Variants in PAPPA observed in about 807,000 individuals in gnomAD.
PAPPA encodes pappalysin 1.
PAPPA carries 60 observed loss-of-function variants against 164.0 expected under a neutral mutation model. The observed-to-expected ratio is 0.37, with a 90% CI of 0.30 to 0.45. The LOEUF is 0.45. Among genes scored for constraint, PAPPA ranks in the 20% least tolerant of loss-of-function variants. The probability of loss-of-function intolerance (pLI) is 1.00; values close to 1 mark genes in which losing one functional copy is unlikely to be tolerated. For synonymous variants in PAPPA, 875 were observed against 814.1 expected, an observed-to-expected ratio of 1.07 and a Z score of -1.27; for missense variants, 1,782 against 2,087.3, an observed-to-expected ratio of 0.85 and a Z score of 2.85.
In PAPPA at chr9:116,235,273, C is replaced by T. The variant is rs556339934; in HGVS notation, c.2368C>T (p.Pro790Ser). 1.3e-5 allele frequency: 21 copies of T among 1,614,114 alleles called. No homozygotes were observed. In the South Asian group the frequency reaches 1.8e-4, roughly 14 times the overall value. The change falls in exon 7 of 22, where the codon CCC becomes TCC. Residue 790 changes from proline (P) to serine (S), a missense_variant. Physicochemically the swap from Pro to Ser is moderately conservative, Grantham distance 74. This residue lies in a region of PAPPA where 1,324 missense variants were observed against 1,656.9 expected (regional missense o/e 0.80). Coordinates refer to ENST00000328252, the MANE Select transcript of PAPPA (RefSeq NM_002581.5). ...GCYLELEFLY[P>S]LVPESLTIWV... Reference sequence around the variant, plus strand: ...CTACCTCGAGCTGGAGTTCCTCTACCCCTTGGTCCCTGAGTCTCTGACCAT... The same window carrying T: ...CTACCTCGAGCTGGAGTTCCTCTACTCCTTGGTCCCTGAGTCTCTGACCAT...
intron 19 of PAPPA, among the ~76,000 whole-genome samples, chr9:116,370,655 G>A (rs1303007089): frequency 1.3e-5 from 2 of 152,302 alleles, no homozygotes; most frequent in East Asian, 1.9e-4. Flanking sequence ...TGGCTCTTGC[G>A]AGCCTATGCA....
chr9:116,378,519 G>A (rs902267175), intron 20 of PAPPA, among the ~76,000 whole-genome samples: 5 of 152,144 alleles, frequency 3.3e-5, no homozygotes, highest in African/African-American at 9.7e-5. Flanking sequence ...AGAAAAAGTC[G>A]TATCTGATGA....
intron 18 of PAPPA, among the ~76,000 whole-genome samples, chr9:116,364,371 A>G (rs549127553): frequency 6.6e-6 from 1 of 152,354 alleles, no homozygotes; most frequent in Admixed American, 6.5e-5. Flanking sequence ...ACACATTCAA[A>G]TACATTCACA....
At chr9:116,289,539 C>A (rs1397204387) in intron 9 of PAPPA, among the ~76,000 whole-genome samples, 1 of 151,636 alleles carries the variant, frequency 6.6e-6, no homozygotes, top group African/African-American at 2.4e-5. Flanking sequence ...GTATAATAAG[C>A]CTTAATCAGC....
chr9:116,229,177 A>G (rs1369753924), intron 6 of PAPPA, among the ~76,000 whole-genome samples: 1 of 152,180 alleles, frequency 6.6e-6, no homozygotes, highest in Non-Finnish European at 1.5e-5. Context: ...TCACAACACT[A>G]TTAACGAGGT....
chr9:116,224,804 T>G (rs1844485000), intron 5 of PAPPA, among the ~76,000 whole-genome samples: 2 of 152,222 alleles, frequency 1.3e-5, no homozygotes, highest in East Asian at 3.8e-4. Context: ...CTTAGAGCTT[T>G]AAGCTTTAAT....
intron 1 of PAPPA, among the ~76,000 whole-genome samples, chr9:116,167,416 A>G (rs1442306861): frequency 3.3e-5 from 5 of 152,206 alleles, no homozygotes; most frequent in Non-Finnish European, 7.3e-5. Flanking sequence ...AATATTTTCA[A>G]TCTGAATTTG....
chr9:116,199,103 G>T (rs1431937514), intron 2 of PAPPA, among the ~76,000 whole-genome samples: 1 of 152,078 alleles, frequency 6.6e-6, no homozygotes, highest in Non-Finnish European at 1.5e-5. Context: ...TAAGAACCTT[G>T]CCACTGGCAC....
chr9:116,337,440 A>G (rs1159422143), intron 13 of PAPPA, among the ~76,000 whole-genome samples: 2 of 152,260 alleles, frequency 1.3e-5, no homozygotes, highest in African/African-American at 4.8e-5. Context: ...AAGAAAAATA[A>G]GCAACAACTG....
At chr9:116,336,239 G>GA (rs147269950) in intron 13 of PAPPA, among the ~76,000 whole-genome samples, 9,446 of 147,648 alleles carry the variant, frequency 0.064, 415 homozygotes, top group South Asian at 0.084. Flanking sequence ...CTGGGGGCAA[G>GA]AAAAAAAAAA....
intron 18 of PAPPA, 35 bp from the exon 19 acceptor site, chr9:116,367,610 G>A: frequency 6.6e-7 from 1 of 1,512,754 alleles, no homozygotes; most frequent in South Asian, 1.1e-5. Context: ...GAGGGTCTCG[G>A]GCCTGAGCTG....
At chr9:116,394,881 C>G (rs1846942061) in intron 21 of PAPPA, among the ~76,000 whole-genome samples, 1 of 152,072 alleles carries the variant, frequency 6.6e-6, no homozygotes, top group African/African-American at 2.4e-5. Context: ...TCAATGAATA[C>G]AAATTTATTC....
At chr9:116,285,163 C>CTTTTTTTTTT (rs1845318481) in intron 9 of PAPPA, among the ~76,000 whole-genome samples, 1 of 98,670 alleles carries the variant, frequency 1.0e-5, no homozygotes. Flanking sequence ...TTTTTCTTTT[C>CTTTTTTTTTT]TTTCTTTCTT....
intron 17 of PAPPA, among the ~76,000 whole-genome samples, chr9:116,355,329 AAG>A (rs768814343): frequency 3.2e-4 from 49 of 152,234 alleles, no homozygotes; most frequent in Non-Finnish European, 5.9e-4. Flanking sequence ...TGAGAAAACC[AAG>A]ACTCAAAGAG....
intron 10 of PAPPA, among the ~76,000 whole-genome samples, chr9:116,320,480 T>C (rs149273023): frequency 2.2e-4 from 33 of 152,318 alleles, no homozygotes; most frequent in Middle Eastern, 3.4e-3. Context: ...CATCTCTCTG[T>C]TTCACACTCT....
At chr9:116,335,124 G>A in intron 13 of PAPPA, 50 bp downstream of exon 13, 2 of 1,465,886 alleles carry the variant, frequency 1.4e-6, no homozygotes, top group Non-Finnish European at 1.9e-6. Flanking sequence ...GCCGAGTGGA[G>A]ACAGTGTGAT....
chr9:116,176,616 G>T (rs750550839), intron 1 of PAPPA, among the ~76,000 whole-genome samples: 1 of 152,116 alleles, frequency 6.6e-6, no homozygotes, highest in South Asian at 2.1e-4. Flanking sequence ...AGCTTGGAAA[G>T]ATAAATATCC....
chr9:116,215,124 T>C lies in PAPPA; in HGVS notation c.1918+3192T>C, dbSNP rs192719977. The stretch of plus-strand genomic sequence containing the variant: ...CCACTAAAGATGACAGAGAAGATGT[T>C]TGAAGGACATGAACAGAAGTGGAAT... On this transcript the variant is annotated intron_variant, in intron 4 of 21. Coordinates refer to ENST00000328252, the MANE Select transcript of PAPPA (RefSeq NM_002581.5). Among the ~76,000 whole-genome samples, 25 of 152,260 alleles carry C rather than the reference T, an allele frequency of 1.6e-4. No homozygotes were observed. The East Asian group carries it at 3.5e-3, about 21-fold the overall frequency.
intron 5 of PAPPA, among the ~76,000 whole-genome samples, chr9:116,222,975 T>A (rs977828005): frequency 6.6e-6 from 1 of 152,218 alleles, no homozygotes; most frequent in Admixed American, 6.5e-5. Flanking sequence ...TCATTATATG[T>A]CAATTAAAAA....
Sources: allele counts gnomAD v4.1 joint callset (sites outside exome capture counted in the v4.1 genomes callset), GRCh38; gene constraint gnomAD v4.1.1; regional missense constraint gnomAD v4.1.1; transcripts MANE v1.5; gene names NCBI Gene and HGNC (gene_info 2026-07-23, HGNC 2026-07-21).